Variants in RALYL observed in about 807,000 individuals in gnomAD.
RALYL encodes the protein RALY RNA binding protein like, also known as RNA-binding Raly-like protein.
RALYL carries 29 observed loss-of-function variants against 35.1 expected under a neutral mutation model. That is an observed-to-expected ratio of 0.83 (90% CI 0.61 to 1.13). The LOEUF (loss-of-function observed/expected upper bound fraction) is 1.13. Ranked by LOEUF, RALYL falls within the 50% of genes most tolerant of loss-of-function variation. The probability of loss-of-function intolerance (pLI) is 0.00; values close to 1 mark genes in which losing one functional copy is unlikely to be tolerated. For synonymous variants in RALYL, 120 were observed against 127.6 expected (o/e 0.94, Z 0.40); for missense variants, 359 against 360.4 (o/e 1.00, Z 0.03).
chr8:84,680,706 T>A (rs955695648), intron 2 of RALYL, among the ~76,000 whole-genome samples: 2 of 152,212 alleles, frequency 1.3e-5, no homozygotes, highest in Non-Finnish European at 2.9e-5. Context: ...GTTTGTTTTT[T>A]TTCTTGTAAA....
intron 2 of RALYL, among the ~76,000 whole-genome samples, chr8:84,675,656 G>T (rs1203851640): frequency 4.6e-5 from 7 of 152,002 alleles, no homozygotes; most frequent in African/African-American, 1.7e-4. Context: ...TTGTTTCTCT[G>T]TGGAATTCCT....
intron 1 of RALYL, among the ~76,000 whole-genome samples, chr8:84,327,382 A>G (rs73291396): frequency 0.02 from 3,083 of 152,178 alleles, 114 homozygotes; most frequent in African/African-American, 0.07. Flanking sequence ...CAGCCTGTGG[A>G]GTCTGCAGAG....
chr8:84,530,079 G>A (rs1264399460), intron 2 of RALYL, among the ~76,000 whole-genome samples: 2 of 152,080 alleles, frequency 1.3e-5, no homozygotes, highest in South Asian at 2.1e-4. Context: ...TAAGGATTTT[G>A]TGTATTATAC....
chr8:84,527,691 T>TA (rs1012378598), intron 1 of RALYL, among the ~76,000 whole-genome samples: 5 of 152,106 alleles, frequency 3.3e-5, no homozygotes, highest in East Asian at 1.9e-4. Flanking sequence ...AATTGCAAGA[T>TA]AAAAAAATAT....
chr8:84,453,626 G>T (rs1848691911), intron 1 of RALYL, among the ~76,000 whole-genome samples: 1 of 150,570 alleles, frequency 6.6e-6, no homozygotes, highest in African/African-American at 2.5e-5. Flanking sequence ...TCAGAGAAAG[G>T]AAAGGACAAT....
At chr8:84,890,765 C>G (rs1033076810) in intron 8 of RALYL, among the ~76,000 whole-genome samples, 1 of 150,626 alleles carries the variant, frequency 6.6e-6, no homozygotes, top group Non-Finnish European at 1.5e-5. Context: ...ATGAAGAAAG[C>G]AAACATGTTC....
chr8:84,423,679 G>T (rs2045967093), intron 1 of RALYL, among the ~76,000 whole-genome samples: 1 of 151,734 alleles, frequency 6.6e-6, no homozygotes, highest in African/African-American at 2.4e-5. Flanking sequence ...GTTTTGCAGT[G>T]GCTGGTACCG....
intron 3 of RALYL, among the ~76,000 whole-genome samples, chr8:84,802,996 A>G (rs1034744541): frequency 6.6e-6 from 1 of 152,072 alleles, no homozygotes; most frequent in Non-Finnish European, 1.5e-5. Context: ...AAGATATAAA[A>G]CCTTTCAAAA....
intron 1 of RALYL, among the ~76,000 whole-genome samples, chr8:84,272,769 C>T (rs188188871): frequency 6.6e-6 from 1 of 152,268 alleles, no homozygotes; most frequent in Middle Eastern, 3.4e-3. Flanking sequence ...AAAATTAGCA[C>T]TTTGCTTGAT....
intron 1 of RALYL, among the ~76,000 whole-genome samples, chr8:84,383,756 G>T (rs1202619522): frequency 6.7e-6 from 1 of 150,320 alleles, no homozygotes; most frequent in East Asian, 2.0e-4. Context: ...AAAGAGGATG[G>T]GGTGATTGAT....
At chr8:84,837,209 C>T (rs1771639543) in intron 4 of RALYL, among the ~76,000 whole-genome samples, 1 of 152,134 alleles carries the variant, frequency 6.6e-6, no homozygotes, top group African/African-American at 2.4e-5. Flanking sequence ...ATCTCTTATA[C>T]TTAGATTGAA....
At chr8:84,434,663 G>A (rs1410994097) in intron 1 of RALYL, among the ~76,000 whole-genome samples, 1 of 152,074 alleles carries the variant, frequency 6.6e-6, no homozygotes, top group African/African-American at 2.4e-5. Flanking sequence ...ATTACTGACA[G>A]TGTTGTTTTC....
Position 84,529,220 on chromosome 8 carries a change from T to A in RALYL, c.-23-79T>A, listed in dbSNP as rs1588007409. The A allele has an allele frequency of 8.9e-6, 13 of 1,459,512 alleles. No individual in the cohort carries two copies. The East Asian group carries it at 3.2e-4, about 36-fold the overall frequency. The allele number at this position is 1,459,512 out of a possible 1,614,324, so 90.4% of individuals were successfully genotyped here. A position where few individuals can be genotyped will look rare whatever the true frequency, so the allele number is the denominator to read the frequency against. ...CCTGAGTGTAATATTGAAAAACTGT[T>A]AAAAAGCCACTGATACCCATTCGAT... On this transcript the variant is annotated intron_variant, in intron 1 of 8. Coordinates refer to ENST00000521268, the MANE Select transcript of RALYL (RefSeq NM_173848.7).
intron 1 of RALYL, among the ~76,000 whole-genome samples, chr8:84,505,836 G>A (rs2057124023): frequency 6.6e-6 from 1 of 151,998 alleles, no homozygotes; most frequent in African/African-American, 2.4e-5. Flanking sequence ...ATTATTAGAT[G>A]GTAAGGTTAA....
intron 1 of RALYL, among the ~76,000 whole-genome samples, chr8:84,508,824 G>T (rs1403143792): frequency 6.8e-6 from 1 of 147,994 alleles, no homozygotes; most frequent in East Asian, 2.0e-4. Context: ...ATACCAGGCT[G>T]ATGATGCATT....
At chr8:84,753,061 G>A (rs1810468154) in intron 2 of RALYL, among the ~76,000 whole-genome samples, 1 of 152,296 alleles carries the variant, frequency 6.6e-6, no homozygotes, top group East Asian at 1.9e-4. Flanking sequence ...CCTGAGAGCA[G>A]CCATGACAAC....
rs547552870 is a variant in RALYL at position 84,907,244 on chromosome 8, GT to G, written c.859-13647del. ...TCTGGAATCACTTTGGGCCTTAGTT[GT>G]TTCAAAAATGTGGAAAACAGCTTAT... On this transcript the variant is annotated intron_variant, in intron 8 of 8. Coordinates refer to ENST00000521268, the MANE Select transcript of RALYL (RefSeq NM_173848.7). Among the ~76,000 whole-genome samples, 10 of 151,486 alleles carry G rather than the reference GT, an allele frequency of 6.6e-5. No homozygotes were observed. In the East Asian group the frequency reaches 2.0e-3, roughly 30 times the overall value.
intron 1 of RALYL, among the ~76,000 whole-genome samples, chr8:84,424,942 C>T (rs317936): frequency 6.6e-6 from 1 of 150,750 alleles, no homozygotes; most frequent in African/African-American, 2.5e-5. Flanking sequence ...GAGAACCACT[C>T]CTCTCTTCAA....
At chr8:84,324,453 G>T (rs772684856) in intron 1 of RALYL, among the ~76,000 whole-genome samples, 1 of 151,834 alleles carries the variant, frequency 6.6e-6, no homozygotes, top group African/African-American at 2.4e-5. Flanking sequence ...CCAACCTCGT[G>T]GAGTTCTTTT....
Sources: allele counts gnomAD v4.1 joint callset (sites outside exome capture counted in the v4.1 genomes callset), GRCh38; gene constraint gnomAD v4.1.1; transcripts MANE v1.5; gene names NCBI Gene and HGNC (gene_info 2026-07-23, HGNC 2026-07-21).